Variants in NOTCH2 observed in about 807,000 individuals in gnomAD.
NOTCH2 encodes neurogenic locus notch homolog protein 2.
NOTCH2 carries 29 observed loss-of-function variants against 235.8 expected under a neutral mutation model. That is an observed-to-expected ratio of 0.12 (90% confidence interval 0.09 to 0.17). The LOEUF is 0.17. NOTCH2 is among the 10% of genes least tolerant of loss of function. NOTCH2 has a pLI of 1.00. For synonymous variants in NOTCH2, 1,086 were observed against 1,141.5 expected (o/e 0.95, Z 0.98); for missense variants, 2,285 against 3,150.2 (o/e 0.73, Z 6.57).
In NOTCH2 at chr1:119,999,917, GAGAAAGAAAGAAAGAA is replaced by G. The variant is rs71260137; in HGVS notation, c.416-2601_416-2586del. On this transcript the variant is annotated intron_variant, in intron 3 of 33. Transcript: ENST00000256646. Reference sequence around the variant, plus strand: ...AAAGAGAGAGAAAGAGAGAAAGAGAGAGAAAGAAAGAAAGAAAGAAAGAAAGAAAGAAAGAAAGAAA... The same window carrying G: ...AAAGAGAGAGAAAGAGAGAAAGAGAGAGAAAGAAAGAAAGAAAGAAAGAAA... 1.9e-3 allele frequency among the ~76,000 whole-genome samples: 174 copies of G among 91,160 alleles called. 1 individual carries two copies. Among genetic ancestry groups the G allele is most frequent in the Admixed American group, 5.4e-3 (41 of 7,620 alleles). The allele number at this position is 91,160 out of a possible 152,430, so 59.8% of individuals were successfully genotyped here. A position where few individuals can be genotyped will look rare whatever the true frequency, so the allele number is the denominator to read the frequency against.
chr1:119,922,878 C>T, intron 26 of NOTCH2, 100 bp from the exon 27 acceptor site: 1 of 1,445,648 alleles, frequency 6.9e-7, no homozygotes, highest in African/African-American at 1.4e-5. Flanking sequence ...AGGAGCCTCC[C>T]TTCCTCCCCT....
rs1192263785 is a variant in NOTCH2, at chr1:119,937,315, T to C, written c.3489A>G (p.Thr1163=). ...TGTATCCACCAATGAAGTCACTGCA[T>C]GTTGCCCCGTGCTGGCAGGGGTTGG... ...CASNPCQHGA[T]CSDFIGGYRC... is the part of the protein sequence containing the mutation. The change falls in exon 21 of 34, where the codon ACA becomes ACG. Residue 1163 remains threonine, a synonymous_variant. Coordinates refer to ENST00000256646, the MANE Select transcript of NOTCH2 (RefSeq NM_024408.4). 1 of 1,613,790 alleles carries C rather than the reference T, an allele frequency of 6.2e-7. No homozygotes were observed. Among genetic ancestry groups the C allele is most frequent in the African/African-American group, 1.3e-5 (1 of 74,936 alleles).
At chr1:119,977,189 T>A (rs1651617242) in intron 5 of NOTCH2, among the ~76,000 whole-genome samples, 1 of 152,122 alleles carries the variant, frequency 6.6e-6, no homozygotes, top group Non-Finnish European at 1.5e-5. Flanking sequence ...GGTTCTCTTA[T>A]TTAAGTTATC....
intron 5 of NOTCH2, among the ~76,000 whole-genome samples, chr1:119,979,234 T>C (rs971150871): frequency 6.6e-6 from 1 of 152,074 alleles, no homozygotes; most frequent in African/African-American, 2.4e-5. Context: ...ATGAACAGAT[T>C]AAAAATCAAG....
At chr1:119,943,302 C>T (rs1207364054) in intron 17 of NOTCH2, among the ~76,000 whole-genome samples, 2 of 152,112 alleles carry the variant, frequency 1.3e-5, no homozygotes, top group African/African-American at 4.8e-5. Context: ...AACTAAGGAT[C>T]GGTCAGTACA....
At chr1:119,945,672 C>T (rs587645354) in intron 17 of NOTCH2, among the ~76,000 whole-genome samples, 1 of 152,094 alleles carries the variant, frequency 6.6e-6, no homozygotes, top group South Asian at 2.1e-4. Context: ...GACATAAGAA[C>T]CCTAAATGTT....
intron 5 of NOTCH2, among the ~76,000 whole-genome samples, chr1:119,980,002 C>T (rs1311008007): frequency 1.3e-5 from 2 of 152,170 alleles, no homozygotes; most frequent in African/African-American, 4.8e-5. Flanking sequence ...GGACCAATTT[C>T]CTCTTCCTAG....
chr1:120,037,328 C>G (rs2101353678), intron 1 of NOTCH2, among the ~76,000 whole-genome samples: 2 of 150,384 alleles, frequency 1.3e-5, no homozygotes, highest in African/African-American at 4.9e-5. Context: ...AGGATCTTGG[C>G]TGTGGTTGGC....
intron 5 of NOTCH2, among the ~76,000 whole-genome samples, chr1:119,977,137 A>G (rs1001182472): frequency 2.6e-5 from 4 of 152,112 alleles, no homozygotes; most frequent in Non-Finnish European, 4.4e-5. Context: ...CACAATCCCA[A>G]GCTTAAATAA....
At chr1:119,959,208 A>G (rs1324109031) in intron 12 of NOTCH2, among the ~76,000 whole-genome samples, 184 bp downstream of exon 12, 1 of 152,230 alleles carries the variant, frequency 6.6e-6, no homozygotes, top group Non-Finnish European at 1.5e-5. Context: ...ATTAATGAAA[A>G]GTATGTTTCA....
rs2101158862 is a variant in NOTCH2 at position 119,923,747 on chromosome 1, G to C, written c.4749C>G (p.Ser1583=). The C allele has an allele frequency of 1.2e-6, 2 of 1,614,140 alleles. No homozygotes were observed. The highest frequency in any genetic ancestry group is 1.7e-6 in the Non-Finnish European group (2 of 1,180,018). ...AGGGGTACACCATGAGTTCCCCCTGGGAGTCCCGCTTAATGCGCAGGTTGG... is the reference window on the plus strand; with the variant it reads ...AGGGGTACACCATGAGTTCCCCCTGCGAGTCCCGCTTAATGCGCAGGTTGG... ...LHTNLRIKRD[S]QGELMVYPYY... The change falls in exon 26 of 34, where the codon TCC becomes TCG. Residue 1583 remains serine (S), a synonymous_variant. Coordinates refer to ENST00000256646, the MANE Select transcript of NOTCH2 (RefSeq NM_024408.4).
Position 119,925,313 on chromosome 1 carries a change from C to T in NOTCH2, c.4503G>A (p.Lys1501=), listed in dbSNP as rs1462229609. 1 of 1,613,708 alleles carries T rather than the reference C, an allele frequency of 6.2e-7. No individual in the cohort carries two copies. The highest frequency in any genetic ancestry group is 1.3e-5 in the African/African-American group (1 of 74,930). ...AAACGTGAAGCCCTTACTTGCATGT[C>T]TTGCTGTTCCCCTGGCATTCAAAGT... ...FDNFECQGNS[K]TCKYDKYCAD... Residue 1501 remains lysine (K), a synonymous_variant, in exon 25 of 34, where the codon AAG becomes AAA. Transcript: ENST00000256646.
chr1:119,935,392 A>C, intron 22 of NOTCH2, 80 bp downstream of exon 22: 1 of 1,612,786 alleles, frequency 6.2e-7, no homozygotes, highest in Non-Finnish European at 8.5e-7. Flanking sequence ...TTAATTTTAT[A>C]AAATCCCCTG....
chr1:119,917,351 C>A (rs2493395), intron 33 of NOTCH2, among the ~76,000 whole-genome samples: 1 of 151,642 alleles, frequency 6.6e-6, no homozygotes, highest in African/African-American at 2.4e-5. Flanking sequence ...AGAAAGAAAA[C>A]GAGAAAAAGA....
Position 119,914,127 on chromosome 1 carries a change from C to A in NOTCH2, c.*1179G>T, listed in dbSNP as rs1039882767. 2.1e-5 allele frequency: 5 copies of A among 233,096 alleles called. No homozygotes were observed. Among genetic ancestry groups the A allele is most frequent in the Non-Finnish European group, 2.5e-5 (3 of 118,042 alleles). 14.4% of individuals were successfully genotyped at this position (233,096 alleles called of 1,614,324 possible). On this transcript the variant is annotated 3_prime_UTR_variant, in exon 34 of 34. Coordinates refer to ENST00000256646, the MANE Select transcript of NOTCH2 (RefSeq NM_024408.4). ...AGTTCAGTCCTAAATGGCAAGGGTA[C>A]AACATTTGAGACAGTGTCTTCTGTG... is the stretch of plus-strand genomic sequence containing the variant.
intron 22 of NOTCH2, chr1:119,935,072 T>A: frequency 1.0e-6 from 1 of 974,124 alleles, no homozygotes; most frequent in Non-Finnish European, 1.2e-6. Context: ...CCCCACCTTA[T>A]AGAGGTAAGA....
chr1:120,041,091 T>TATA, intron 1 of NOTCH2, among the ~76,000 whole-genome samples: 1 of 113,254 alleles, frequency 8.8e-6, no homozygotes, highest in African/African-American at 5.6e-5. Context: ...TATATATATA[T>TATA]TCCTGAACTT....
intron 19 of NOTCH2, among the ~76,000 whole-genome samples, chr1:119,938,977 GC>G (rs1196410716): frequency 6.6e-6 from 1 of 152,146 alleles, no homozygotes; most frequent in Non-Finnish European, 1.5e-5. Flanking sequence ...ACCGTGCCCG[GC>G]CCCATTCATT....
chr1:119,936,091 G>A (rs1553195695), intron 21 of NOTCH2, among the ~76,000 whole-genome samples: 1 of 151,570 alleles, frequency 6.6e-6, no homozygotes, highest in Admixed American at 6.6e-5. Context: ...AGGGAGGTGG[G>A]GCTGGCTGGC....
Sources: allele counts gnomAD v4.1 joint callset (sites outside exome capture counted in the v4.1 genomes callset), GRCh38; gene constraint gnomAD v4.1.1; transcripts MANE v1.5; gene names NCBI Gene and HGNC (gene_info 2026-07-23, HGNC 2026-07-21).